The following VTI1A variants were observed in gnomAD, a reference collection of about 807,000 sequenced individuals.
VTI1A encodes vesicle transport through interaction with t-SNAREs 1A, also known as vesicle transport through interaction with t-SNAREs homolog 1A.
In VTI1A, 22 loss-of-function variants were observed where a neutral mutation model predicts 34.9. The observed-to-expected ratio is 0.63, with a 90% CI of 0.45 to 0.90. The LOEUF is 0.90. Among genes scored for constraint, VTI1A ranks in the 40% least tolerant of loss-of-function variants. VTI1A has a pLI of 0.00. For synonymous variants in VTI1A, 87 were observed against 97.3 expected, an observed-to-expected ratio of 0.89 and a Z score of 0.62; for missense variants, 268 against 275.6, an observed-to-expected ratio of 0.97 and a Z score of 0.20.
intron 7 of VTI1A, chr10:112,737,708 C>T: frequency 1.9e-6 from 2 of 1,058,246 alleles, no homozygotes; most frequent in Non-Finnish European, 1.1e-6. Flanking sequence ...TCACTGAGAC[C>T]TACAGTGATC....
chr10:112,513,509 C>T (rs1849681403), intron 3 of VTI1A, among the ~76,000 whole-genome samples: 1 of 151,870 alleles, frequency 6.6e-6, no homozygotes, highest in Non-Finnish European at 1.5e-5. Context: ...TCTTCCTTTT[C>T]TGTTAGGATT....
At chr10:112,464,445 C>G (rs1847831516) in intron 2 of VTI1A, 102 bp from the exon 3 acceptor site, 1 of 1,030,526 alleles carries the variant, frequency 9.7e-7, no homozygotes, top group African/African-American at 1.6e-5. Context: ...GGTGCCTCAA[C>G]TACAAAATGA....
intron 7 of VTI1A, among the ~76,000 whole-genome samples, chr10:112,772,270 T>C (rs1851833687): frequency 6.6e-6 from 1 of 152,240 alleles, no homozygotes; most frequent in African/African-American, 2.4e-5. Flanking sequence ...TGGTATCTGA[T>C]TGTGGTTTTG....
chr10:112,709,060 C>T (rs7911081), intron 7 of VTI1A, among the ~76,000 whole-genome samples: 25,678 of 152,090 alleles, frequency 0.17, 3,804 homozygotes, highest in African/African-American at 0.38. Context: ...GGGAGGGGTA[C>T]GTGTCCCCTT....
intron 5 of VTI1A, among the ~76,000 whole-genome samples, chr10:112,642,881 C>G (rs1328412489): frequency 6.6e-6 from 1 of 151,654 alleles, no homozygotes; most frequent in East Asian, 1.9e-4. Flanking sequence ...CTAAGTTGAT[C>G]ATGAAAAACT....
At chr10:112,698,836 T>G (rs190421904) in intron 7 of VTI1A, among the ~76,000 whole-genome samples, 127 of 152,254 alleles carry the variant, frequency 8.3e-4, no homozygotes, top group African/African-American at 3.0e-3. Context: ...TGAGTAGCAT[T>G]CCATCTAAGA....
At chr10:112,653,160 C>T (rs1328138518) in intron 5 of VTI1A, among the ~76,000 whole-genome samples, 1 of 152,208 alleles carries the variant, frequency 6.6e-6, no homozygotes, top group Non-Finnish European at 1.5e-5. Flanking sequence ...ACTCAGTGTA[C>T]ACCCTATGTA....
intron 5 of VTI1A, chr10:112,548,996 T>A (rs537531276): frequency 1.6e-6 from 1 of 612,208 alleles, no homozygotes; most frequent in East Asian, 2.8e-5. Flanking sequence ...CCCTCCTGCC[T>A]TCTCTTCAAG....
chr10:112,711,750 G>A (rs763543813), intron 7 of VTI1A, among the ~76,000 whole-genome samples: 1 of 152,168 alleles, frequency 6.6e-6, no homozygotes, highest in African/African-American at 2.4e-5. Flanking sequence ...GGTCCATAGC[G>A]TACCAACTGT....
In VTI1A at chr10:112,464,550, G is replaced by C; in HGVS notation, c.157G>C (p.Glu53Gln). 6.2e-7 allele frequency: 1 copy of C among 1,611,480 alleles called. No individual in the cohort carries two copies. The highest frequency in any genetic ancestry group is 8.5e-7 in the Non-Finnish European group (1 of 1,178,370). Residue 53 changes from glutamate (E) to glutamine (Q), a missense_variant, in exon 3 of 8, where the codon GAA (glutamate) becomes CAA (glutamine). Transcript: ENST00000393077. ...CATTTTTCTTTCCCTCTTCTAGCTT[G>C]AACAGATGGATTTGGAAGTCCGAGA... ...KQLEEAKELL[E>Q]QMDLEVREIP...
chr10:112,471,303 G>A (rs941495575), intron 3 of VTI1A, among the ~76,000 whole-genome samples: 3 of 150,626 alleles, frequency 2.0e-5, no homozygotes, highest in Non-Finnish European at 4.4e-5. Flanking sequence ...TCATACTTAC[G>A]TGCCCATTTA....
At chr10:112,625,225 G>A (rs1032389374) in intron 5 of VTI1A, among the ~76,000 whole-genome samples, 16 of 152,364 alleles carry the variant, frequency 1.1e-4, no homozygotes, top group African/African-American at 3.8e-4. Context: ...ACTGCTGAAA[G>A]CACAGCAGCA....
intron 7 of VTI1A, among the ~76,000 whole-genome samples, chr10:112,699,316 G>A (rs965078397): frequency 1.3e-5 from 2 of 152,164 alleles, no homozygotes; most frequent in Admixed American, 1.3e-4. Context: ...TCTGGAGGTT[G>A]GGAAATTTAA....
intron 7 of VTI1A, among the ~76,000 whole-genome samples, chr10:112,724,809 A>C (rs978739236): frequency 2.6e-5 from 4 of 151,776 alleles, no homozygotes; most frequent in African/African-American, 7.3e-5. Flanking sequence ...AGAAAAAAAA[A>C]CAAAAACCTT....
intron 5 of VTI1A, among the ~76,000 whole-genome samples, chr10:112,560,608 T>C (rs533123921): frequency 1.3e-5 from 2 of 150,878 alleles, no homozygotes; most frequent in East Asian, 1.9e-4. Context: ...TTTTTTTTTT[T>C]TTTTTTTGCG....
At chr10:112,459,664 A>G (rs1847663397) in intron 1 of VTI1A, among the ~76,000 whole-genome samples, 1 of 152,178 alleles carries the variant, frequency 6.6e-6, no homozygotes, top group Non-Finnish European at 1.5e-5. Flanking sequence ...AGAGATGTTC[A>G]ATACATCTGG....
chr10:112,449,141 C>G (rs1275019414), intron 1 of VTI1A: 1 of 152,218 alleles, frequency 6.6e-6, no homozygotes, highest in Non-Finnish European at 1.5e-5. Flanking sequence ...TCTCCACTGC[C>G]GGAGATCGTC....
chr10:112,615,006 G>C (rs955954061), intron 5 of VTI1A, among the ~76,000 whole-genome samples: 7 of 152,008 alleles, frequency 4.6e-5, no homozygotes, highest in Admixed American at 2.6e-4. Context: ...GGAGTACACA[G>C]ATAATGGAAT....
At chr10:112,480,285 G>A (rs115230383) in intron 3 of VTI1A, among the ~76,000 whole-genome samples, 1 of 152,194 alleles carries the variant, frequency 6.6e-6, no homozygotes, top group African/African-American at 2.4e-5. Flanking sequence ...TGGTGTTTTA[G>A]TCACTTCAAT....
Sources: allele counts gnomAD v4.1 joint callset (sites outside exome capture counted in the v4.1 genomes callset), GRCh38; gene constraint gnomAD v4.1.1; transcripts MANE v1.5; gene names NCBI Gene and HGNC (gene_info 2026-07-23, HGNC 2026-07-21).